The following EFNA5 variants were observed in gnomAD, a reference collection of about 807,000 sequenced individuals.
EFNA5 encodes ephrin A5.
EFNA5 carries 5 observed loss-of-function variants against 22.9 expected under a neutral mutation model. The observed-to-expected ratio is 0.22, with a 90% CI of 0.11 to 0.46. The LOEUF is 0.46. EFNA5 is among the 20% of genes least tolerant of loss of function. The pLI, the probability that EFNA5 is intolerant of heterozygous loss-of-function variation, is 0.99. For missense variants in EFNA5, 237 were observed against 293.3 expected, an observed-to-expected ratio of 0.81 and a Z score of 1.40; for synonymous variants, 113 against 112.2, an observed-to-expected ratio of 1.01 and a Z score of -0.04.
intron 1 of EFNA5, among the ~76,000 whole-genome samples, chr5:107,590,595 G>T (rs747007516): frequency 2.6e-5 from 4 of 151,648 alleles, no homozygotes; most frequent in African/African-American, 4.8e-5. Flanking sequence ...GTCCTACTGT[G>T]TTGCCCAGGA....
intron 1 of EFNA5, among the ~76,000 whole-genome samples, chr5:107,482,850 C>CTGTCTCTCTG (rs1750516832): frequency 1.5e-5 from 1 of 67,002 alleles, no homozygotes; most frequent in African/African-American, 6.6e-5. Context: ...CTCTCTCTCT[C>CTGTCTCTCTG]TCTCTCTCTC....
intron 1 of EFNA5, among the ~76,000 whole-genome samples, chr5:107,549,583 C>T (rs1748240635): frequency 6.6e-6 from 1 of 152,232 alleles, no homozygotes; most frequent in African/African-American, 2.4e-5. Context: ...CTCATCCATA[C>T]CGAGCACCCA....
chr5:107,455,048 C>CA lies in EFNA5; in HGVS notation c.126-27540dup, dbSNP rs1160576879. Among the ~76,000 whole-genome samples, 5 of 152,266 alleles carry CA rather than the reference C, an allele frequency of 3.3e-5. No homozygotes were observed. In the East Asian group the frequency reaches 7.7e-4, roughly 24 times the overall value. On this transcript the variant is annotated intron_variant, in intron 1 of 4. Coordinates refer to ENST00000333274, the MANE Select transcript of EFNA5 (RefSeq NM_001962.3). Reference sequence around the variant, plus strand: ...ATTTCCATCTACCTGCTGGACTCAACAAAATCTCAAACCCTCAACTGGTGC... The same window carrying CA: ...ATTTCCATCTACCTGCTGGACTCAACAAAAATCTCAAACCCTCAACTGGTGC...
At chr5:107,517,514 T>C (rs1190384522) in intron 1 of EFNA5, among the ~76,000 whole-genome samples, 1 of 152,250 alleles carries the variant, frequency 6.6e-6, no homozygotes, top group African/African-American at 2.4e-5. Flanking sequence ...TTAAATTCAA[T>C]ATATGAGAAA....
intron 1 of EFNA5, among the ~76,000 whole-genome samples, chr5:107,577,519 T>G (rs1748950433): frequency 6.6e-6 from 1 of 152,164 alleles, no homozygotes; most frequent in African/African-American, 2.4e-5. Flanking sequence ...CCACTCCAGA[T>G]GGATTACATC....
chr5:107,490,379 C>T (rs1356503748), intron 1 of EFNA5, among the ~76,000 whole-genome samples: 3 of 152,162 alleles, frequency 2.0e-5, no homozygotes, highest in Admixed American at 6.5e-5. Context: ...TACAGGTGCA[C>T]GTTACCATGC....
At chr5:107,541,666 A>C (rs988081916) in intron 1 of EFNA5, among the ~76,000 whole-genome samples, 1 of 152,208 alleles carries the variant, frequency 6.6e-6, no homozygotes, top group African/African-American at 2.4e-5. Context: ...ACACACCTCA[A>C]CTTCAAGCTC....
At chr5:107,581,545 G>A (rs1235684965) in intron 1 of EFNA5, among the ~76,000 whole-genome samples, 2 of 152,180 alleles carry the variant, frequency 1.3e-5, no homozygotes, top group African/African-American at 2.4e-5. Context: ...CAGTTCCAAA[G>A]CCATCTACAC....
intron 1 of EFNA5, among the ~76,000 whole-genome samples, chr5:107,465,372 T>G (rs762793265): frequency 6.6e-6 from 1 of 152,200 alleles, no homozygotes; most frequent in Non-Finnish European, 1.5e-5. Context: ...TCACAACTTA[T>G]GTAGAACATT....
At chr5:107,596,081 A>G (rs1330029089) in intron 1 of EFNA5, among the ~76,000 whole-genome samples, 1 of 152,188 alleles carries the variant, frequency 6.6e-6, no homozygotes, top group African/African-American at 2.4e-5. Context: ...TACAGCTAAC[A>G]TTTTACTTAA....
intron 2 of EFNA5, among the ~76,000 whole-genome samples, chr5:107,425,905 G>A (rs1011265555): frequency 6.6e-6 from 1 of 152,164 alleles, no homozygotes; most frequent in African/African-American, 2.4e-5. Context: ...GTTCTTGTTT[G>A]TCTGGCAAGC....
At chr5:107,438,548 G>C (rs532561217) in intron 1 of EFNA5, among the ~76,000 whole-genome samples, 4 of 152,232 alleles carry the variant, frequency 2.6e-5, no homozygotes, top group African/African-American at 7.2e-5. Context: ...ATATGTCCAG[G>C]GGTTTGCTCC....
intron 1 of EFNA5, among the ~76,000 whole-genome samples, chr5:107,459,145 G>A (rs1013541481): frequency 1.3e-5 from 2 of 152,082 alleles, no homozygotes; most frequent in African/African-American, 4.8e-5. Flanking sequence ...TGTAATCCCA[G>A]CACTTTGAGA....
intron 1 of EFNA5, among the ~76,000 whole-genome samples, chr5:107,523,176 T>A (rs1267915019): frequency 2.0e-5 from 3 of 152,236 alleles, no homozygotes; most frequent in African/African-American, 7.2e-5. Flanking sequence ...TTCTTACCTT[T>A]GCTTTTGAAA....
At chr5:107,534,859 T>G (rs75039256) in intron 1 of EFNA5, among the ~76,000 whole-genome samples, 4,479 of 152,230 alleles carry the variant, frequency 0.029, 107 homozygotes, top group Non-Finnish European at 0.046. Context: ...CAAAGGAAAA[T>G]AGTATATCTT....
At chr5:107,481,191 A>C (rs1750449983) in intron 1 of EFNA5, among the ~76,000 whole-genome samples, 1 of 152,152 alleles carries the variant, frequency 6.6e-6, no homozygotes, top group South Asian at 2.1e-4. Flanking sequence ...CAAATGAGAA[A>C]AACCCTCGGT....
intron 1 of EFNA5, among the ~76,000 whole-genome samples, chr5:107,533,507 G>A (rs1017899579): frequency 2.0e-5 from 3 of 152,114 alleles, no homozygotes; most frequent in Non-Finnish European, 4.4e-5. Context: ...TTCCATTTCT[G>A]CTTTCAGAAA....
At chr5:107,525,663 TATC>T (rs1224838697) in intron 1 of EFNA5, among the ~76,000 whole-genome samples, 1 of 152,158 alleles carries the variant, frequency 6.6e-6, no homozygotes, top group Non-Finnish European at 1.5e-5. Flanking sequence ...GGAAGTGGAT[TATC>T]ATAAGTTTTC....
chr5:107,633,477 G>A (rs566369983), intron 1 of EFNA5, among the ~76,000 whole-genome samples: 8 of 152,324 alleles, frequency 5.3e-5, no homozygotes, highest in South Asian at 2.1e-4. Flanking sequence ...CCTCACTGCC[G>A]GGGCCCCGCG....
Sources: gnomAD v4.1 joint callset for allele counts (sites outside exome capture counted in the v4.1 genomes callset) on GRCh38, gnomAD v4.1.1 for gene constraint, MANE v1.5 for transcripts, NCBI Gene and HGNC (gene_info 2026-07-23, HGNC 2026-07-21) for gene names.